The following TGIF1 variants were observed in gnomAD, a reference collection of about 807,000 sequenced individuals.
The protein encoded by TGIF1 is TGFB induced factor homeobox 1.
In TGIF1, 4 loss-of-function variants were observed where a neutral mutation model predicts 19.3. The ratio of observed to expected loss-of-function variants is 0.21; its 90% confidence interval spans 0.10 to 0.47. The LOEUF (loss-of-function observed/expected upper bound fraction) is 0.47, where lower values mean the gene tolerates loss of function less well. Among genes scored for constraint, TGIF1 ranks in the 20% least tolerant of loss-of-function variants. The pLI is 0.98. For missense variants in TGIF1, 275 were observed against 341.4 expected, an observed-to-expected ratio of 0.81 and a Z score of 1.53; for synonymous variants, 122 against 129.3, an observed-to-expected ratio of 0.94 and a Z score of 0.38.
chr18:3,452,403 CT>C, intron 1 of TGIF1: 1 of 1,613,122 alleles, frequency 6.2e-7, no homozygotes, highest in Non-Finnish European at 8.5e-7. Flanking sequence ...GAAGGGGAAA[CT>C]TTGCGACTGG....
rs897395460 is a variant in TGIF1 at position 3,438,490 on chromosome 18, T to C, written c.-44-17864T>C. On this transcript the variant is annotated intron_variant, in intron 2 of 3. Transcript: ENST00000401449. The stretch of plus-strand genomic sequence containing the variant: ...TTTGTAATATGGCTGTTTGTGTTTC[T>C]ATGTCACCATCTGGCTGTGCTGGCT... Among the ~76,000 whole-genome samples the C allele has an allele frequency of 5.3e-5, 8 of 152,044 alleles. No individual in the cohort carries two copies. In the East Asian group the frequency reaches 1.5e-3, roughly 29 times the overall value.
Position 3,451,941 on chromosome 18 carries a change from G to A in TGIF1, c.16+1436G>A. 1 of 1,547,730 alleles carries A rather than the reference G, an allele frequency of 6.5e-7. No homozygotes were observed. Among genetic ancestry groups the A allele is most frequent in the Non-Finnish European group, 8.7e-7 (1 of 1,145,240 alleles). ...GAGACACGCGCTGTCTGTTGTGGTG[G>A]GCCTCCCGGGAATAAGTGAGGGGCT... On this transcript the variant is annotated intron_variant, in intron 1 of 2. Coordinates refer to ENST00000343820, the MANE Select transcript of TGIF1 (RefSeq NM_003244.4). The surrounding 1 kb of genome is among the most constrained non-coding windows in gnomAD (Gnocchi z 5.4).
At chr18:3,432,959 A>T (rs564403852) in intron 2 of TGIF1, among the ~76,000 whole-genome samples, 167 of 152,094 alleles carry the variant, frequency 1.1e-3, no homozygotes, top group African/African-American at 3.9e-3. Flanking sequence ...GGGTTTCTCC[A>T]CGTTGGTCAG....
At chr18:3,415,417 A>G in intron 1 of TGIF1, 1 of 494,490 alleles carries the variant, frequency 2.0e-6, no homozygotes. Context: ...TGGAGTAGAC[A>G]GGGTTATTTC....
intron 2 of TGIF1, among the ~76,000 whole-genome samples, chr18:3,432,123 C>CAAAAAAAAAAAAAAAAAAAAAAA (rs751364681): frequency 2.0e-5 from 2 of 98,026 alleles, no homozygotes; most frequent in African/African-American, 4.5e-5. Flanking sequence ...ACAAAACTGT[C>CAAAAAAAAAAAAAAAAAAAAAAA]AAAAAAAAAA....
In TGIF1 at chr18:3,450,285, G is replaced by A. The variant is rs1307139494; in HGVS notation, c.-205G>A. On this transcript the variant is annotated 5_prime_UTR_variant, in exon 1 of 3. Transcript: ENST00000343820. ...CGGCCGGCTGCCAGAAGATCCCGGC[G>A]GGAGGAAGCCCAAGTGTCACTTGAA... 6 of 1,437,674 alleles carry A rather than the reference G, an allele frequency of 4.2e-6. No individual in the cohort carries two copies. The highest frequency in any genetic ancestry group is 2.9e-5 in the Admixed American group (1 of 35,086). The allele number at this position is 1,437,674 out of a possible 1,614,324, so 89.1% of individuals were successfully genotyped here. A position where few individuals can be genotyped will look rare whatever the true frequency, so the allele number is the denominator to read the frequency against.
upstream of TGIF1, chr18:3,450,042 G>A (rs1175783734): frequency 1.0e-6 from 1 of 993,744 alleles, no homozygotes; most frequent in Non-Finnish European, 1.2e-6. Flanking sequence ...AGCGGCCGCC[G>A]CGCTCGGTCC....
At chr18:3,453,458 G>A (rs1416339206) in intron 1 of TGIF1, among the ~76,000 whole-genome samples, 3 of 151,966 alleles carry the variant, frequency 2.0e-5, no homozygotes, top group African/African-American at 7.3e-5. Flanking sequence ...AGGCCTAGGC[G>A]AGCAGATCAT....
chr18:3,454,009 C>T (rs896576759), intron 1 of TGIF1, among the ~76,000 whole-genome samples: 1 of 152,216 alleles, frequency 6.6e-6, no homozygotes, highest in African/African-American at 2.4e-5. Context: ...ACAGTCCTGA[C>T]AGCAGCAAAC....
chr18:3,446,286 C>G (rs933005523), upstream of TGIF1, among the ~76,000 whole-genome samples: 1 of 152,172 alleles, frequency 6.6e-6, no homozygotes, highest in Non-Finnish European at 1.5e-5. Flanking sequence ...CAGGTTCAAG[C>G]AACCCTCCTG....
At position 3,456,229 on chromosome 18, in the gene TGIF1, G is replaced by A. The variant is rs1397172924; in HGVS notation, c.17-125G>A. On this transcript the variant is annotated intron_variant, in intron 1 of 2. Transcript: ENST00000343820. The surrounding 1 kb of genome is among the most constrained non-coding windows in gnomAD (Gnocchi z 4.2). Reference sequence around the variant, plus strand: ...CCCTGAATTCAGGACAGAAAACACTGCTCCTTCTCCTCGCTCTCAGTTGTT... The same window carrying A: ...CCCTGAATTCAGGACAGAAAACACTACTCCTTCTCCTCGCTCTCAGTTGTT... 1 of 954,510 alleles carries A rather than the reference G, an allele frequency of 1.0e-6. No homozygotes were observed. Among genetic ancestry groups the A allele is most frequent in the Non-Finnish European group, 1.7e-6 (1 of 586,276 alleles). The allele number at this position is 954,510 out of a possible 1,614,324, so 59.1% of individuals were successfully genotyped here.
At chr18:3,425,996 C>T (rs545946283) in intron 2 of TGIF1, among the ~76,000 whole-genome samples, 2 of 152,168 alleles carry the variant, frequency 1.3e-5, no homozygotes, top group East Asian at 3.9e-4. Flanking sequence ...TTGGTCACAG[C>T]AGCATCCTAC....
chr18:3,443,088 C>A (rs537963877), intron 2 of TGIF1, among the ~76,000 whole-genome samples: 26 of 152,302 alleles, frequency 1.7e-4, no homozygotes, highest in African/African-American at 5.8e-4. Flanking sequence ...CCCAAAAGAT[C>A]TGCATACAAA....
chr18:3,451,808 C>T lies in TGIF1; in HGVS notation c.16+1303C>T, dbSNP rs956248043. 47 of 1,299,684 alleles carry T rather than the reference C, an allele frequency of 3.6e-5. No homozygotes were observed. Among genetic ancestry groups the T allele is most frequent in the Non-Finnish European group, 4.4e-5 (45 of 1,023,832 alleles). The allele number at this position is 1,299,684 out of a possible 1,614,324, so 80.5% of individuals were successfully genotyped here. On this transcript the variant is annotated intron_variant, in intron 1 of 2. Coordinates refer to ENST00000343820, the MANE Select transcript of TGIF1 (RefSeq NM_003244.4). The surrounding 1 kb of genome is among the most constrained non-coding windows in gnomAD (Gnocchi z 5.4). ...GCCCTAAGGACCCCTCCCCGCGGGA[C>T]GGAGGGAGGACTCGGGACAGGGAAT...
chr18:3,447,935 C>T, upstream of TGIF1: 1 of 1,448,948 alleles, frequency 6.9e-7, no homozygotes, highest in East Asian at 2.4e-5. Context: ...TCTCGGTTGC[C>T]TGAGAATCGC....
chr18:3,439,787 A>G (rs7232075), intron 2 of TGIF1, among the ~76,000 whole-genome samples: 151,789 of 152,116 alleles, frequency 1, 75,731 homozygotes, highest in Middle Eastern at 1. Context: ...TGGGGAAGCC[A>G]AGGTGGGCGG....
upstream of TGIF1, among the ~76,000 whole-genome samples, chr18:3,446,445 A>G (rs902862258): frequency 1.3e-5 from 2 of 152,114 alleles, no homozygotes; most frequent in Non-Finnish European, 2.9e-5. Flanking sequence ...CGGCCTCCCA[A>G]AGTGGTGGGA....
At chr18:3,438,791 A>C (rs1407965778) in intron 2 of TGIF1, among the ~76,000 whole-genome samples, 1 of 152,196 alleles carries the variant, frequency 6.6e-6, no homozygotes, top group Non-Finnish European at 1.5e-5. Flanking sequence ...TGCAAACAGA[A>C]GTGGAAATAA....
chr18:3,447,679 C>T, upstream of TGIF1: 1 of 1,598,556 alleles, frequency 6.3e-7, no homozygotes, highest in South Asian at 1.1e-5. Context: ...TTCGCTACAT[C>T]ACAGAATTGT....
Sources: gnomAD v4.1 joint callset for allele counts (sites outside exome capture counted in the v4.1 genomes callset) on GRCh38, gnomAD v4.1.1 for gene constraint, Gnocchi (gnomAD v3.1) non-coding constraint, MANE v1.5 for transcripts, NCBI Gene and HGNC (gene_info 2026-07-23, HGNC 2026-07-21) for gene names.